The following PCLO variants were observed in gnomAD, a reference collection of about 807,000 sequenced individuals.
PCLO encodes piccolo presynaptic cytomatrix protein.
PCLO carries 82 observed loss-of-function variants against 427.5 expected under a neutral mutation model. That is an observed-to-expected ratio of 0.19 (90% CI 0.16 to 0.23). PCLO has a LOEUF of 0.23. Ranked by LOEUF, PCLO falls within the 10% of genes least tolerant of loss-of-function variation. The probability of loss-of-function intolerance (pLI) is 1.00; values close to 1 mark genes in which losing one functional copy is unlikely to be tolerated. For synonymous variants in PCLO, 2,357 were observed against 2,155.4 expected (o/e 1.09, Z -2.59); for missense variants, 6,239 against 6,115.9 (o/e 1.02, Z -0.67).
At position 82,956,373 on chromosome 7, in the gene PCLO, C is replaced by T; in HGVS notation, c.4580G>A (p.Arg1527Lys). ...TGAGCCAACACTAGTTCTTCGTTTT[C>T]TTTGTGGAACAGGTGAGTTTTCACT... The part of the protein sequence containing the change: ...SESENSPVPQ[R>K]KRRTSVGSSS... Residue 1527 changes from arginine to lysine, a missense_variant, in exon 5 of 25, where the codon AGA (arginine) becomes AAA (lysine). Arg to Lys is a conservative substitution (Grantham distance 26). Transcript: ENST00000333891. 3 of 1,613,428 alleles carry T rather than the reference C, an allele frequency of 1.9e-6. No homozygotes were observed. The Admixed American group carries it at 5.0e-5, about 27-fold the overall frequency.
Position 83,081,868 on chromosome 7 carries a change from A to G in PCLO, c.3300+52382T>C, listed in dbSNP as rs17157123. ...AAAAGAAGTTATTTTTTGATACCAT[A>G]TAATACCTAGAATAATATTCCTATT... On this transcript the variant is annotated intron_variant, in intron 3 of 24. Transcript: ENST00000333891. Among the ~76,000 whole-genome samples, 115 of 151,938 alleles carry G rather than the reference A, an allele frequency of 7.6e-4. 2 individuals carry two copies. The East Asian group carries it at 0.015, about 19-fold the overall frequency.
chr7:82,907,693 T>C (rs1221523375), intron 8 of PCLO, among the ~76,000 whole-genome samples: 1 of 151,788 alleles, frequency 6.6e-6, no homozygotes, highest in East Asian at 1.9e-4. Context: ...CTAAACAAAA[T>C]ATGTATTGAA....
At chr7:82,771,822 A>G (rs1428572432) in intron 22 of PCLO, among the ~76,000 whole-genome samples, 2 of 152,072 alleles carry the variant, frequency 1.3e-5, no homozygotes, top group African/African-American at 4.8e-5. Context: ...GTGTGTATAA[A>G]GTGGGGAACT....
chr7:83,138,941 G>A (rs562444077), intron 2 of PCLO, among the ~76,000 whole-genome samples: 5 of 151,870 alleles, frequency 3.3e-5, no homozygotes, highest in African/African-American at 4.8e-5. Context: ...ACACCTGCAC[G>A]TTCTGCACAT....
chr7:83,075,677 C>A (rs1295010899), intron 3 of PCLO, among the ~76,000 whole-genome samples: 2 of 152,092 alleles, frequency 1.3e-5, no homozygotes, highest in South Asian at 2.1e-4. Context: ...GTGATGTTCT[C>A]TGTGTAATGA....
chr7:82,801,414 T>C (rs545734689), intron 22 of PCLO, 104 bp downstream of exon 22: 1 of 640,640 alleles, frequency 1.6e-6, no homozygotes, highest in South Asian at 2.0e-5. Flanking sequence ...GCTTTTGCCA[T>C]TAGTTTGTAA....
chr7:82,989,967 G>T (rs1026069996), intron 3 of PCLO, among the ~76,000 whole-genome samples: 2 of 152,246 alleles, frequency 1.3e-5, no homozygotes, highest in Non-Finnish European at 2.9e-5. Context: ...TAAAACTTAA[G>T]AGTAAAGAAT....
intron 4 of PCLO, among the ~76,000 whole-genome samples, chr7:82,958,621 T>G (rs1166504869): frequency 6.6e-6 from 1 of 152,200 alleles, no homozygotes; most frequent in African/African-American, 2.4e-5. Flanking sequence ...CAAAAACTAA[T>G]GCCTACTCTT....
At chr7:82,783,609 G>A (rs1025803906) in intron 22 of PCLO, among the ~76,000 whole-genome samples, 1 of 151,962 alleles carries the variant, frequency 6.6e-6, no homozygotes, top group Non-Finnish European at 1.5e-5. Context: ...GCGATAGAGC[G>A]AGACTCGGTC....
At chr7:82,944,248 T>C (rs76668617) in intron 6 of PCLO, among the ~76,000 whole-genome samples, 182 of 151,546 alleles carry the variant, frequency 1.2e-3, no homozygotes, top group Non-Finnish European at 2.0e-3. Context: ...TTTTGTTTCA[T>C]GTGGGAGTGA....
intron 6 of PCLO, among the ~76,000 whole-genome samples, chr7:82,941,836 A>G (rs1427406359): frequency 1.3e-5 from 2 of 152,162 alleles, no homozygotes; most frequent in Admixed American, 6.5e-5. Context: ...TTAATTTAGC[A>G]TAATATAGAA....
At position 82,847,235 on chromosome 7, in the gene PCLO, A is replaced by G; in HGVS notation, c.13667T>C (p.Leu4556Ser). Residue 4556 changes from leucine to serine, a missense_variant, in exon 11 of 25, where the codon TTG (leucine) becomes TCG (serine). Leu to Ser is a moderately radical substitution (Grantham distance 145, BLOSUM62 -2). Transcript: ENST00000333891. ...AGTCAAGGGAATTCCATTCCATTCC[A>G]ATACTTGCATCCCTAGAAAGACAAA... is the stretch of plus-strand genomic sequence containing the variant. ...TGKLMEGMQV[L>S]EWNGIPLTSK... The G allele has an allele frequency of 5.1e-6, 8 of 1,581,740 alleles. No homozygotes were observed. Among genetic ancestry groups the G allele is most frequent in the Non-Finnish European group, 6.9e-6 (8 of 1,159,048 alleles).
intron 3 of PCLO, among the ~76,000 whole-genome samples, chr7:83,082,131 A>T (rs1282240983): frequency 6.6e-6 from 1 of 151,488 alleles, no homozygotes; most frequent in Non-Finnish European, 1.5e-5. Context: ...ACACACACAC[A>T]CACGCACACA....
At chr7:83,138,383 G>A (rs11978731) in intron 2 of PCLO, among the ~76,000 whole-genome samples, 27,328 of 152,030 alleles carry the variant, frequency 0.18, 2,569 homozygotes, top group Middle Eastern at 0.21. Flanking sequence ...AAATCATGCC[G>A]GGCGCTGTGG....
intron 8 of PCLO, among the ~76,000 whole-genome samples, chr7:82,905,833 A>C (rs1163198030): frequency 6.6e-6 from 1 of 152,010 alleles, no homozygotes; most frequent in Non-Finnish European, 1.5e-5. Context: ...GCAGAAAGTG[A>C]AGGGATTTTA....
chr7:83,091,646 C>T (rs562174767), intron 3 of PCLO, among the ~76,000 whole-genome samples: 16 of 152,210 alleles, frequency 1.1e-4, no homozygotes, highest in Non-Finnish European at 1.6e-4. Flanking sequence ...TTTTTCCCCA[C>T]ATACTGATGT....
chr7:83,024,372 C>A (rs1788427730), intron 3 of PCLO, among the ~76,000 whole-genome samples: 1 of 152,170 alleles, frequency 6.6e-6, no homozygotes, highest in Admixed American at 6.5e-5. Flanking sequence ...CGGGTCACTC[C>A]CACCCGAATA....
intron 3 of PCLO, among the ~76,000 whole-genome samples, chr7:82,984,294 AATC>A (rs150312374): frequency 0.045 from 6,895 of 151,984 alleles, 548 homozygotes; most frequent in African/African-American, 0.16. Context: ...TTAATTATTC[AATC>A]ATTACCTCTC....
intron 4 of PCLO, among the ~76,000 whole-genome samples, chr7:82,958,981 G>C (rs759344108): frequency 2.0e-5 from 3 of 151,918 alleles, no homozygotes; most frequent in Non-Finnish European, 2.9e-5. Context: ...ATGGGGGTGG[G>C]GTACTTAAGC....
Sources: gnomAD v4.1 joint callset for allele counts (sites outside exome capture counted in the v4.1 genomes callset) on GRCh38, gnomAD v4.1.1 for gene constraint, MANE v1.5 for transcripts, NCBI Gene and HGNC (gene_info 2026-07-23, HGNC 2026-07-21) for gene names.